Variants in MRM2 observed in about 807,000 individuals in gnomAD.
The protein encoded by MRM2 is rRNA methyltransferase 2, mitochondrial.
In MRM2, 15 loss-of-function variants were observed where a neutral mutation model predicts 10.9. That is an observed-to-expected ratio of 1.37 (90% CI 0.92 to 2.11). MRM2 has a LOEUF of 2.11. Ranked by LOEUF, MRM2 falls within the 30% of genes most tolerant of loss-of-function variation. MRM2 has a pLI of 0.00. For missense variants in MRM2, 328 were observed against 321.3 expected, an observed-to-expected ratio of 1.02 and a Z score of -0.16; for synonymous variants, 139 against 128.7, an observed-to-expected ratio of 1.08 and a Z score of -0.54.
chr7:2,239,741 A>C, intron 1 of MRM2, 34 bp from the exon 2 acceptor site: 1 of 1,595,820 alleles, frequency 6.3e-7, no homozygotes, highest in South Asian at 1.1e-5. Flanking sequence ...GCAGGTTGGC[A>C]TCACACAGAA....
rs778753421 is a variant in MRM2 at position 2,235,514 on chromosome 7, A to T, written c.349T>A (p.Phe117Ile). Residue 117 changes from phenylalanine to isoleucine, a missense_variant, in exon 3 of 3, where the codon TTC (phenylalanine) becomes ATC (isoleucine). Transcript: ENST00000242257. ...FVLGVDLLHI[F>I]PLEGATFLCP... is the part of the protein sequence containing the mutation. ...AGAAAAGTTGCTCCTTCCAGGGGGA[A>T]TATGTGAAGAAGATCTACCCCAAGC... is the stretch of plus-strand genomic sequence containing the variant. The T allele has an allele frequency of 1.9e-6, 3 of 1,613,710 alleles. No homozygotes were observed. Among genetic ancestry groups the T allele is most frequent in the Non-Finnish European group, 2.5e-6 (3 of 1,179,956 alleles).
Position 2,235,580 on chromosome 7 carries a change from T to C in MRM2, c.299-16A>G. On this transcript the variant is annotated splice_polypyrimidine_tract_variant and intron_variant, in intron 2 of 2. Coordinates refer to ENST00000242257, the MANE Select transcript of MRM2 (RefSeq NM_013393.3). ...GAGCTGGGATCTATGGAAGAAATGG[T>C]GAATGTGTTATTTATTTACACCCTG... 6.4e-7 allele frequency: 1 copy of C among 1,553,746 alleles called. No homozygotes were observed. The highest frequency in any genetic ancestry group is 1.7e-4 in the Middle Eastern group (1 of 5,880).
chr7:2,237,265 T>A (rs1458995500), intron 2 of MRM2, among the ~76,000 whole-genome samples: 1 of 152,216 alleles, frequency 6.6e-6, no homozygotes, highest in Non-Finnish European at 1.5e-5. Flanking sequence ...CCCAAAGTAC[T>A]GGGATTACAG....
chr7:2,241,945 C>G, intron 1 of MRM2: 1 of 496,014 alleles, frequency 2.0e-6, no homozygotes, highest in Non-Finnish European at 3.5e-6. Flanking sequence ...CCGGCCTCCC[C>G]ACGGCCCCGC....
chr7:2,237,210 G>A (rs1056352550), intron 2 of MRM2, among the ~76,000 whole-genome samples: 5 of 152,208 alleles, frequency 3.3e-5, no homozygotes, highest in Non-Finnish European at 7.3e-5. Flanking sequence ...ATATTGCCCA[G>A]GCTGGTCTCG....
intron 2 of MRM2, among the ~76,000 whole-genome samples, chr7:2,235,848 C>G (rs779411643): frequency 6.6e-6 from 1 of 152,194 alleles, no homozygotes; most frequent in Non-Finnish European, 1.5e-5. Context: ...ATCAGGACTT[C>G]TGATTCCAAA....
intron 1 of MRM2, among the ~76,000 whole-genome samples, chr7:2,240,712 T>C (rs949025185): frequency 1.3e-5 from 2 of 150,282 alleles, no homozygotes; most frequent in Non-Finnish European, 3.0e-5. Flanking sequence ...GTCCTCTTTT[T>C]CTTTTTTTAA....
rs1794399577 is a variant in MRM2 at position 2,235,342 on chromosome 7, C to T, written c.521G>A (p.Cys174Tyr). ...TGGGGTCACGCTGAGAAGGGTCAGG[C>T]ACAGGCTGATGAGCCTGTCATGATC... is the stretch of plus-strand genomic sequence containing the variant. ...DLDHDRLISL[C>Y]LTLLSVTPDI... Residue 174 changes from cysteine to tyrosine, a missense_variant, in exon 3 of 3, where the codon TGC (cysteine) becomes TAC (tyrosine). Physicochemically the swap from Cys to Tyr is radical, Grantham distance 194. Transcript: ENST00000242257. The T allele has an allele frequency of 6.2e-7, 1 of 1,613,868 alleles. No individual in the cohort carries two copies. Among genetic ancestry groups the T allele is most frequent in the African/African-American group, 1.3e-5 (1 of 74,910 alleles).
chr7:2,237,519 C>A (rs1238134648), intron 2 of MRM2, among the ~76,000 whole-genome samples: 3 of 152,182 alleles, frequency 2.0e-5, no homozygotes, highest in African/African-American at 7.2e-5. Context: ...CTTAGGGGAA[C>A]AGAAACCACT....
chr7:2,236,569 C>G (rs535276883), intron 2 of MRM2, among the ~76,000 whole-genome samples: 3 of 152,224 alleles, frequency 2.0e-5, no homozygotes, highest in East Asian at 3.9e-4. Context: ...ACTCAGGAGA[C>G]CCAGCTAAAA....
intron 2 of MRM2, among the ~76,000 whole-genome samples, chr7:2,236,133 G>C (rs1341044909): frequency 6.6e-6 from 1 of 152,224 alleles, no homozygotes; most frequent in Admixed American, 6.5e-5. Flanking sequence ...GGGAGGCTAA[G>C]ATAGGAGAAT....
chr7:2,241,713 G>A lies in MRM2; in HGVS notation c.8+449C>T, dbSNP rs531717128. Among the ~76,000 whole-genome samples, 7 of 152,368 alleles carry A rather than the reference G, an allele frequency of 4.6e-5. No individual in the cohort carries two copies. In the South Asian group the frequency reaches 1.4e-3, roughly 32 times the overall value. The stretch of plus-strand genomic sequence containing the variant: ...CCAAAGCGTGCTGACAAGCCAGGAG[G>A]CACTGACTGCTGACCGTGAGTCGCT... On this transcript the variant is annotated intron_variant, in intron 1 of 2. Coordinates refer to ENST00000242257, the MANE Select transcript of MRM2 (RefSeq NM_013393.3).
Position 2,239,484 on chromosome 7 carries a change from C to T in MRM2, c.232G>A (p.Asp78Asn), listed in dbSNP as rs367775813. The T allele has an allele frequency of 1.2e-6, 2 of 1,613,778 alleles. No individual in the cohort carries two copies. Among genetic ancestry groups the T allele is most frequent in the Non-Finnish European group, 1.7e-6 (2 of 1,180,016 alleles). ...CAGGCCCCAGGAGCTGCCCCACAGT[C>T]TAACACCCGAAGGCCGGGCCGCAGA... ...QILRPGLRVL[D>N]CGAAPGAWSQ... Residue 78 changes from aspartate (D) to asparagine (N), a missense_variant, in exon 2 of 3, where the codon GAC becomes AAC. By Grantham distance (23) the Asp-to-Asn change is conservative (BLOSUM62 1). Transcript: ENST00000242257.
rs1019021648 is a variant in MRM2, at chr7:2,239,437, C to T, written c.279G>A (p.Lys93=). Residue 93 remains lysine (K), a synonymous_variant, in exon 2 of 3, where the codon AAG becomes AAA. Transcript: ENST00000242257. ...PGAWSQVAVQ[K]VNAAGTDPSS... is the part of the protein sequence containing the mutation. Reference sequence around the variant, plus strand: ...GCCCACCTGTGCCTGCGGCGTTGACCTTCTGCACCGCCACCTGACTCCAGG... The same window carrying T: ...GCCCACCTGTGCCTGCGGCGTTGACTTTCTGCACCGCCACCTGACTCCAGG... 1.3e-5 allele frequency: 21 copies of T among 1,610,668 alleles called. No individual in the cohort carries two copies. Among genetic ancestry groups the T allele is most frequent in the Non-Finnish European group, 1.6e-5 (19 of 1,178,484 alleles).
Position 2,235,077 on chromosome 7 carries a change from C to A in MRM2, c.*45G>T. 6.8e-7 allele frequency: 1 copy of A among 1,467,504 alleles called. No homozygotes were observed. 90.9% of individuals were successfully genotyped at this position (1,467,504 alleles called of 1,614,324 possible). A position where few individuals can be genotyped will look rare whatever the true frequency, so the allele number is the denominator to read the frequency against. On this transcript the variant is annotated 3_prime_UTR_variant, in exon 3 of 3. Transcript: ENST00000242257. ...TCAGGAGCTCAGGCTACGTTTCTAG[C>A]TTAAAAGGAGCTAATGACCATTATG...
intron 1 of MRM2, chr7:2,241,147 G>T (rs960307429): frequency 6.6e-6 from 1 of 151,780 alleles, no homozygotes; most frequent in South Asian, 2.1e-4. Context: ...GACTACAGGT[G>T]TGTGCCACCA....
intron 2 of MRM2, 92 bp downstream of exon 2, chr7:2,239,326 C>T: frequency 7.7e-7 from 1 of 1,301,354 alleles, no homozygotes; most frequent in Non-Finnish European, 1.1e-6. Flanking sequence ...AAAAGGGCTC[C>T]ACCATCCCGC....
intron 2 of MRM2, 100 bp downstream of exon 2, chr7:2,239,318 A>C: frequency 8.3e-7 from 1 of 1,206,590 alleles, no homozygotes; most frequent in Non-Finnish European, 1.2e-6. Context: ...GCCTTCAAAA[A>C]AGGGCTCCAC....
chr7:2,236,857 T>C (rs796694896), intron 2 of MRM2, among the ~76,000 whole-genome samples: 15 of 152,150 alleles, frequency 9.9e-5, no homozygotes, highest in African/African-American at 3.6e-4. Context: ...GGCGTTGGGC[T>C]TGTGAAGAGG....
Sources: allele counts gnomAD v4.1 joint callset (sites outside exome capture counted in the v4.1 genomes callset), GRCh38; gene constraint gnomAD v4.1.1; transcripts MANE v1.5; gene names NCBI Gene and HGNC (gene_info 2026-07-23, HGNC 2026-07-21).